The following RANBP3L variants were observed in gnomAD, a reference collection of about 807,000 sequenced individuals.
RANBP3L encodes the protein ran-binding protein 3-like.
A neutral mutation model predicts 67.2 loss-of-function variants in RANBP3L; 56 were observed. The observed-to-expected ratio is 0.83, with a 90% CI of 0.67 to 1.04. RANBP3L has a LOEUF of 1.04. RANBP3L is among the 50% of genes least tolerant of loss of function. The pLI is 0.00. For missense variants in RANBP3L, 496 were observed against 535.5 expected (o/e 0.93, Z 0.73); for synonymous variants, 164 against 181.4 (o/e 0.90, Z 0.77).
At chr5:36,292,944 G>T (rs10042973) in intron 1 of RANBP3L, among the ~76,000 whole-genome samples, 2 of 142,374 alleles carry the variant, frequency 1.4e-5, no homozygotes, top group African/African-American at 5.2e-5. Context: ...GAAGAAAGTC[G>T]TTGGTAGCTT....
chr5:36,257,539 G>T lies in RANBP3L; in HGVS notation c.687C>A (p.Thr229=), dbSNP rs776523109. 6.4e-6 allele frequency: 10 copies of T among 1,570,916 alleles called. No homozygotes were observed. The highest frequency in any genetic ancestry group is 1.7e-5 in the Admixed American group (1 of 58,032). ...VERVLGTQKL[T]QPQLENDSYA... ...ATGAATCATTTTCAAGTTGAGGCTGGGTGAGTTTTTGAGTACCCTGAGAGC... is the reference window on the plus strand; with the variant it reads ...ATGAATCATTTTCAAGTTGAGGCTGTGTGAGTTTTTGAGTACCCTGAGAGC... Residue 229 remains threonine, a synonymous_variant, in exon 9 of 14, where the codon ACC becomes ACA. Transcript: ENST00000296604.
intron 1 of RANBP3L, among the ~76,000 whole-genome samples, chr5:36,283,799 T>A (rs1185327582): frequency 6.6e-6 from 1 of 152,204 alleles, no homozygotes; most frequent in Non-Finnish European, 1.5e-5. Context: ...GAGATGACCA[T>A]GTTATTGAGC....
At chr5:36,284,307 T>C (rs897180144) in intron 1 of RANBP3L, among the ~76,000 whole-genome samples, 6 of 151,542 alleles carry the variant, frequency 4.0e-5, no homozygotes, top group African/African-American at 9.8e-5. Context: ...TATGTGATCA[T>C]TGGGTAGAAG....
rs116073433 is a variant in RANBP3L, at chr5:36,281,079, A to G, written c.92-9768T>C. ...GTAAATAAAAGAATGACTGCTAGGA[A>G]CTAGAGGTATGGTTTTAAAAACCTG... On this transcript the variant is annotated intron_variant, in intron 1 of 13. Transcript: ENST00000296604. 7.8e-3 allele frequency among the ~76,000 whole-genome samples: 1,182 copies of G among 152,276 alleles called. 15 individuals carry two copies. Among genetic ancestry groups the G allele is most frequent in the African/African-American group, 0.026 (1,100 of 41,562 alleles).
intron 4 of RANBP3L, among the ~76,000 whole-genome samples, chr5:36,267,139 T>C (rs1040208445): frequency 6.6e-6 from 1 of 152,204 alleles, no homozygotes; most frequent in Non-Finnish European, 1.5e-5. Context: ...CTTCTGCATC[T>C]GAAAGTTACT....
chr5:36,257,261 T>G (rs539547009), intron 9 of RANBP3L, among the ~76,000 whole-genome samples, 190 bp from the exon 10 acceptor site: 113 of 152,180 alleles, frequency 7.4e-4, no homozygotes, highest in Middle Eastern at 6.8e-3. Context: ...CAAAAAATTT[T>G]TAAAGCTTAT....
intron 1 of RANBP3L, among the ~76,000 whole-genome samples, chr5:36,298,299 TA>T (rs397786019): frequency 0.044 from 5,659 of 127,922 alleles, 134 homozygotes; most frequent in Non-Finnish European, 0.057. Flanking sequence ...GACTCCATCT[TA>T]AAAAAAAAAA....
Position 36,257,069 on chromosome 5 carries a change from T to C in RANBP3L, c.775A>G (p.Thr259Ala), listed in dbSNP as rs1240484541. ...AGGGAAGTATTTTTAATAGAGTCTG[T>C]TCCTAAGAGAAAATGGGGAAAAAAC... ...KFPVNFLSSR[T>A]DSIKNTSLIE... Residue 259 changes from threonine (T) to alanine (A), a missense_variant and splice_region_variant, in exon 10 of 14, where the codon ACA (threonine) becomes GCA (alanine). Thr to Ala is a moderately conservative substitution (Grantham distance 58, BLOSUM62 0). Transcript: ENST00000296604. 6.2e-7 allele frequency: 1 copy of C among 1,607,192 alleles called. No homozygotes were observed. The highest frequency in any genetic ancestry group is 8.5e-7 in the Non-Finnish European group (1 of 1,177,484).
intron 1 of RANBP3L, among the ~76,000 whole-genome samples, chr5:36,293,827 A>G (rs1461252192): frequency 7.0e-6 from 1 of 143,430 alleles, no homozygotes; most frequent in East Asian, 2.0e-4. Context: ...GGATTTTTGC[A>G]TCAATGTTCA....
chr5:36,281,171 G>T (rs1750945396), intron 1 of RANBP3L, among the ~76,000 whole-genome samples: 1 of 152,050 alleles, frequency 6.6e-6, no homozygotes, highest in African/African-American at 2.4e-5. Context: ...GCTGGGGCAT[G>T]TCATTTGAAC....
At chr5:36,268,261 G>T in intron 4 of RANBP3L, 1 of 1,532,444 alleles carries the variant, frequency 6.5e-7, no homozygotes, top group Non-Finnish European at 8.8e-7. Flanking sequence ...CTGAGACAAG[G>T]TTGACACTAA....
chr5:36,289,903 A>T (rs1395018313), intron 1 of RANBP3L, among the ~76,000 whole-genome samples: 2 of 151,862 alleles, frequency 1.3e-5, no homozygotes, highest in Non-Finnish European at 2.9e-5. Context: ...ACTGGCTAGG[A>T]TCTCCAGTAC....
At chr5:36,299,518 G>A (rs571881424) in intron 1 of RANBP3L, among the ~76,000 whole-genome samples, 4 of 151,934 alleles carry the variant, frequency 2.6e-5, no homozygotes, top group East Asian at 1.9e-4. Flanking sequence ...TAGTATTACT[G>A]AGAACATACC....
intron 1 of RANBP3L, among the ~76,000 whole-genome samples, chr5:36,283,250 G>A (rs1321288943): frequency 6.6e-6 from 1 of 151,834 alleles, no homozygotes; most frequent in South Asian, 2.1e-4. Context: ...TAGAGATGGG[G>A]TTTCAACATG....
rs1425842326 is a variant in RANBP3L at position 36,301,690 on chromosome 5, T to G, written c.-274A>C. On this transcript the variant is annotated 5_prime_UTR_variant, in exon 1 of 14. Coordinates refer to ENST00000296604, the MANE Select transcript of RANBP3L (RefSeq NM_145000.5). The stretch of plus-strand genomic sequence containing the variant: ...TTAATTCCTTCATTTCAAAACAAAT[T>G]GAAACTAAACCTCCTTATAGAGTAA... 2 of 365,078 alleles carry G rather than the reference T, an allele frequency of 5.5e-6. No individual in the cohort carries two copies. The highest frequency in any genetic ancestry group is 4.0e-5 in the Admixed American group (1 of 25,034). 22.6% of individuals were successfully genotyped at this position (365,078 alleles called of 1,614,324 possible).
chr5:36,284,842 T>C (rs1157156081), intron 1 of RANBP3L, among the ~76,000 whole-genome samples: 3 of 152,230 alleles, frequency 2.0e-5, no homozygotes, highest in Non-Finnish European at 4.4e-5. Flanking sequence ...CAGTTGGATG[T>C]AGTTGGTAAT....
chr5:36,283,726 T>G (rs931213889), intron 1 of RANBP3L, among the ~76,000 whole-genome samples: 3 of 152,188 alleles, frequency 2.0e-5, no homozygotes, highest in Non-Finnish European at 2.9e-5. Flanking sequence ...AACAATTCCT[T>G]AAACAGGTCA....
At chr5:36,262,951 TAGTA>T (rs1358912226) in intron 6 of RANBP3L, among the ~76,000 whole-genome samples, 5 of 152,348 alleles carry the variant, frequency 3.3e-5, no homozygotes, top group South Asian at 2.1e-4. Context: ...AATCTATACA[TAGTA>T]AGTAACCATT....
intron 1 of RANBP3L, among the ~76,000 whole-genome samples, chr5:36,298,381 C>T (rs1013004439): frequency 2.6e-5 from 4 of 151,494 alleles, no homozygotes; most frequent in African/African-American, 9.7e-5. Flanking sequence ...GTCAATTAAT[C>T]ATAGTCTGTA....
Sources: gnomAD v4.1 joint callset for allele counts (sites outside exome capture counted in the v4.1 genomes callset) on GRCh38, gnomAD v4.1.1 for gene constraint, MANE v1.5 for transcripts, NCBI Gene and HGNC (gene_info 2026-07-23, HGNC 2026-07-21) for gene names.